RANBP17: variants seen among roughly 807,000 people sequenced by gnomAD.
RANBP17 encodes the protein RAN binding protein 17, also known as ran-binding protein 17.
In RANBP17, 158 loss-of-function variants were observed where a neutral mutation model predicts 141.2. The ratio of observed to expected loss-of-function variants is 1.12; its 90% CI spans 0.98 to 1.28. RANBP17 has a LOEUF of 1.28. RANBP17 is among the 50% of genes most tolerant of loss of function. The pLI is 0.00. For synonymous variants in RANBP17, 430 were observed against 450.0 expected (o/e 0.96, Z 0.56); for missense variants, 1,438 against 1,290.7 (o/e 1.11, Z -1.75).
At chr5:170,898,445 G>A (rs1180799688) in intron 5 of RANBP17, among the ~76,000 whole-genome samples, 1 of 152,062 alleles carries the variant, frequency 6.6e-6, no homozygotes, top group Non-Finnish European at 1.5e-5. Flanking sequence ...CAGATGGATA[G>A]ATTGCAAAAA....
At chr5:170,968,600 T>C in intron 14 of RANBP17, 1 of 591,594 alleles carries the variant, frequency 1.7e-6, no homozygotes, top group Non-Finnish European at 3.1e-6. Flanking sequence ...GAATATGTTT[T>C]ACATGGATGG....
chr5:171,155,078 GA>G lies in RANBP17; in HGVS notation c.1711-15035del, dbSNP rs145976955. ...GGGCGACAGAGTGATACTCCATCTA[GA>G]AAAAAAAAAAAAAAAATATATATAT... On this transcript the variant is annotated intron_variant, in intron 14 of 27. Coordinates refer to ENST00000523189, the MANE Select transcript of RANBP17 (RefSeq NM_022897.5). Among the ~76,000 whole-genome samples, 219 of 74,986 alleles carry G rather than the reference GA, an allele frequency of 2.9e-3. 3 individuals carry two copies. The highest frequency in any genetic ancestry group is 0.025 in the East Asian group (58 of 2,332). The allele number at this position is 74,986 out of a possible 152,430, so 49.2% of individuals were successfully genotyped here. A position where few individuals can be genotyped will look rare whatever the true frequency, so the allele number is the denominator to read the frequency against.
At chr5:171,250,502 A>T (rs1040481880) in intron 24 of RANBP17, among the ~76,000 whole-genome samples, 20 of 152,222 alleles carry the variant, frequency 1.3e-4, no homozygotes, top group African/African-American at 4.3e-4. Flanking sequence ...AGCCTTGAAC[A>T]TAAATGGATT....
chr5:171,277,938 CTTTTTTTTTTT>C (rs140208253), intron 25 of RANBP17, among the ~76,000 whole-genome samples: 2 of 72,266 alleles, frequency 2.8e-5, no homozygotes, highest in South Asian at 1.3e-3. Context: ...GGACTTCTTT[CTTTTTTTTTTT>C]TTTTTTTTTT....
rs1038765697 is a variant in RANBP17 at position 171,205,420 on chromosome 5, C to T, written c.2143-104C>T. On this transcript the variant is annotated intron_variant, in intron 19 of 27. Coordinates refer to ENST00000523189, the MANE Select transcript of RANBP17 (RefSeq NM_022897.5). Reference sequence around the variant, plus strand: ...AAGAGGTCTGAACGAGACATTTTAGCTAATGAATCAAAATCAGATATGTGG... The same window carrying T: ...AAGAGGTCTGAACGAGACATTTTAGTTAATGAATCAAAATCAGATATGTGG... 35 of 879,156 alleles carry T rather than the reference C, an allele frequency of 4.0e-5. No homozygotes were observed. In the East Asian group the frequency reaches 8.7e-4, roughly 22 times the overall value. The allele number at this position is 879,156 out of a possible 1,614,324, so 54.5% of individuals were successfully genotyped here.
chr5:170,953,001 A>G (rs1775326023), intron 12 of RANBP17, among the ~76,000 whole-genome samples: 1 of 152,092 alleles, frequency 6.6e-6, no homozygotes, highest in Admixed American at 6.6e-5. Context: ...CTCTACTACT[A>G]TCAGCTGTGA....
chr5:171,071,693 A>G (rs1378545462), intron 14 of RANBP17, among the ~76,000 whole-genome samples: 25 of 151,202 alleles, frequency 1.7e-4, no homozygotes, highest in Non-Finnish European at 7.4e-5. Context: ...ATACGTCAAC[A>G]TGTACCACAC....
chr5:171,209,459 G>T (rs1452812630), intron 20 of RANBP17, among the ~76,000 whole-genome samples: 1 of 152,020 alleles, frequency 6.6e-6, no homozygotes, highest in Non-Finnish European at 1.5e-5. Flanking sequence ...AGAGAAGAAA[G>T]TAAAGCTGAA....
intron 21 of RANBP17, among the ~76,000 whole-genome samples, chr5:171,217,965 C>A (rs1211325888): frequency 6.6e-6 from 1 of 152,016 alleles, no homozygotes; most frequent in African/African-American, 2.4e-5. Context: ...TTTTCTATTT[C>A]TTTTAATTGT....
intron 20 of RANBP17, among the ~76,000 whole-genome samples, chr5:171,211,628 G>GTTTTTTTTTTTTTTTTTTTTTTTTTTT (rs1226824979): frequency 1.6e-5 from 2 of 126,140 alleles, no homozygotes; most frequent in African/African-American, 2.9e-5. Flanking sequence ...TGAGGGCAGG[G>GTTTTTTTTTTTTTTTTTTTTTTTTTTT]TTTTTTTTTT....
intron 12 of RANBP17, among the ~76,000 whole-genome samples, chr5:170,939,445 C>T (rs745770448): frequency 2.0e-5 from 3 of 151,772 alleles, no homozygotes; most frequent in Non-Finnish European, 4.4e-5. Context: ...AGTGCAGTGG[C>T]GTGATCTCAG....
At chr5:171,255,433 TA>T (rs74513742) in intron 24 of RANBP17, among the ~76,000 whole-genome samples, 10,561 of 150,700 alleles carry the variant, frequency 0.07, 531 homozygotes, top group African/African-American at 0.13. Context: ...ATTTTTGCAT[TA>T]AAAAAAAACA....
intron 5 of RANBP17, among the ~76,000 whole-genome samples, chr5:170,901,772 A>G (rs964647571): frequency 1.3e-5 from 2 of 152,162 alleles, no homozygotes; most frequent in African/African-American, 4.8e-5. Context: ...TTTCTCCTTC[A>G]CTTACAAAGC....
chr5:171,034,076 C>T (rs1355352975), intron 14 of RANBP17, among the ~76,000 whole-genome samples: 1 of 152,044 alleles, frequency 6.6e-6, no homozygotes, highest in African/African-American at 2.4e-5. Flanking sequence ...GGGGCCACTG[C>T]AGCCCAGCCT....
At chr5:171,102,007 C>A (rs1259494320) in intron 14 of RANBP17, among the ~76,000 whole-genome samples, 2 of 152,180 alleles carry the variant, frequency 1.3e-5, no homozygotes, top group Non-Finnish European at 2.9e-5. Flanking sequence ...CAACCTTTCT[C>A]TCTGTCTGCC....
At chr5:171,152,343 C>T (rs1449831834) in intron 14 of RANBP17, among the ~76,000 whole-genome samples, 18 of 150,196 alleles carry the variant, frequency 1.2e-4, no homozygotes, top group African/African-American at 2.0e-4. Context: ...CGCTTGAACC[C>T]GGGAGGCGGA....
chr5:171,082,311 G>C (rs1276060780), intron 14 of RANBP17, among the ~76,000 whole-genome samples: 1 of 152,092 alleles, frequency 6.6e-6, no homozygotes, highest in African/African-American at 2.4e-5. Context: ...ATTTTCTTGT[G>C]TTTCTGGGAG....
chr5:171,242,886 T>A, intron 24 of RANBP17, 66 bp downstream of exon 24: 2 of 1,399,418 alleles, frequency 1.4e-6, no homozygotes, highest in Non-Finnish European at 2.0e-6. Context: ...ATGTATGTGA[T>A]TATTGAGACT....
chr5:171,161,825 A>T (rs974424295), intron 14 of RANBP17, among the ~76,000 whole-genome samples: 17 of 152,198 alleles, frequency 1.1e-4, no homozygotes, highest in Non-Finnish European at 2.1e-4. Context: ...GTTATTGAAC[A>T]GTGTCTAGAG....
Sources: allele counts gnomAD v4.1 joint callset (sites outside exome capture counted in the v4.1 genomes callset), GRCh38; gene constraint gnomAD v4.1.1; transcripts MANE v1.5; gene names NCBI Gene and HGNC (gene_info 2026-07-23, HGNC 2026-07-21).